The following SPIDR variants were observed in gnomAD, a reference collection of about 807,000 sequenced individuals.
SPIDR encodes scaffold protein involved in DNA repair.
SPIDR carries 93 observed loss-of-function variants against 104.6 expected under a neutral mutation model. The ratio of observed to expected loss-of-function variants is 0.89; its 90% CI spans 0.75 to 1.06. SPIDR has a LOEUF of 1.06. Among genes scored for constraint, SPIDR ranks in the 50% least tolerant of loss-of-function variants. SPIDR has a pLI of 0.00. For missense variants in SPIDR, 1,154 were observed against 1,111.2 expected (o/e 1.04, Z -0.55); for synonymous variants, 431 against 416.9 (o/e 1.03, Z -0.41).
intron 7 of SPIDR, among the ~76,000 whole-genome samples, chr8:47,433,564 G>A (rs2067736429): frequency 1.3e-5 from 2 of 152,208 alleles, no homozygotes; most frequent in Non-Finnish European, 2.9e-5. Flanking sequence ...GACTACTAAT[G>A]GGTATGCTGG....
chr8:47,302,238 G>A (rs1389081794), intron 5 of SPIDR, among the ~76,000 whole-genome samples: 13 of 151,644 alleles, frequency 8.6e-5, no homozygotes, highest in South Asian at 2.1e-4. Flanking sequence ...TGATCGAATC[G>A]GCTACTGAGG....
At chr8:47,310,464 A>G (rs782635341) in intron 5 of SPIDR, among the ~76,000 whole-genome samples, 2 of 152,210 alleles carry the variant, frequency 1.3e-5, no homozygotes, top group Non-Finnish European at 2.9e-5. Context: ...CCTGAAAATA[A>G]CAATGACAAC....
intron 16 of SPIDR, among the ~76,000 whole-genome samples, chr8:47,719,230 T>C (rs2083023347): frequency 6.6e-6 from 1 of 152,076 alleles, no homozygotes; most frequent in African/African-American, 2.4e-5. Context: ...AGTACCAGGC[T>C]GGGCGTGGTG....
chr8:47,642,629 T>C (rs775322914), intron 10 of SPIDR, among the ~76,000 whole-genome samples: 9 of 152,054 alleles, frequency 5.9e-5, no homozygotes, highest in Non-Finnish European at 1.3e-4. Context: ...GAAAAGCAAC[T>C]GTGGACTGGC....
intron 8 of SPIDR, among the ~76,000 whole-genome samples, chr8:47,470,463 C>T (rs1554720231): frequency 6.7e-6 from 1 of 148,550 alleles, no homozygotes; most frequent in African/African-American, 2.5e-5. Context: ...TAATTTTTGT[C>T]TTTTTGGTAG....
At chr8:47,291,860 A>G (rs998527960) in intron 4 of SPIDR, among the ~76,000 whole-genome samples, 54 of 152,304 alleles carry the variant, frequency 3.5e-4, no homozygotes, top group Middle Eastern at 3.4e-3. Flanking sequence ...ATGGCGTTTT[A>G]TATTGTGTCA....
At chr8:47,396,757 C>T (rs1588147454) in intron 6 of SPIDR, 131 bp downstream of exon 6, 1 of 981,182 alleles carries the variant, frequency 1.0e-6, no homozygotes, top group East Asian at 2.6e-5. Context: ...ATGGAATGTT[C>T]ATCGAAGTTG....
intron 8 of SPIDR, among the ~76,000 whole-genome samples, chr8:47,484,067 C>T (rs782302271): frequency 3.1e-4 from 47 of 152,000 alleles, no homozygotes; most frequent in African/African-American, 6.8e-4. Context: ...TTTGATTGAA[C>T]GGGTTCTCAG....
intron 8 of SPIDR, among the ~76,000 whole-genome samples, chr8:47,506,214 A>G (rs546875031): frequency 6.6e-6 from 1 of 152,336 alleles, no homozygotes; most frequent in Non-Finnish European, 1.5e-5. Flanking sequence ...GAGGGCAGCT[A>G]CTAGACAGTT....
chr8:47,274,776 A>C (rs1232720928), intron 1 of SPIDR, among the ~76,000 whole-genome samples: 1 of 151,450 alleles, frequency 6.6e-6, no homozygotes, highest in Non-Finnish European at 1.5e-5. Context: ...GGTTTTCACC[A>C]GATTGGCCAG....
chr8:47,725,517 G>A (rs930347163), intron 16 of SPIDR, among the ~76,000 whole-genome samples: 5 of 152,082 alleles, frequency 3.3e-5, no homozygotes, highest in African/African-American at 9.7e-5. Flanking sequence ...TCAGCCTCCC[G>A]AGGAGCTGGG....
chr8:47,418,551 C>T (rs1212807913), intron 7 of SPIDR, among the ~76,000 whole-genome samples: 1 of 152,198 alleles, frequency 6.6e-6, no homozygotes, highest in African/African-American at 2.4e-5. Context: ...GATATACAAT[C>T]ATGTCATCTG....
In SPIDR at chr8:47,631,754, C is replaced by T. The variant is rs77033417; in HGVS notation, c.1544+32558C>T. Among the ~76,000 whole-genome samples, 28 of 152,328 alleles carry T rather than the reference C, an allele frequency of 1.8e-4. 1 individual carries two copies. In the East Asian group the frequency reaches 5.2e-3, roughly 28 times the overall value. On this transcript the variant is annotated intron_variant, in intron 10 of 19. Transcript: ENST00000297423. ...TTTCTGGAAGGCCAGTGAAATACAG[C>T]TCCTTAATTTATAATGAAATTTACT... is the stretch of plus-strand genomic sequence containing the variant.
At chr8:47,370,791 A>G (rs1168277445) in intron 5 of SPIDR, among the ~76,000 whole-genome samples, 1 of 152,014 alleles carries the variant, frequency 6.6e-6, no homozygotes, top group Non-Finnish European at 1.5e-5. Flanking sequence ...GTAGATTTTT[A>G]AAAATCTAGT....
intron 5 of SPIDR, among the ~76,000 whole-genome samples, chr8:47,347,605 G>T (rs555195955): frequency 6.6e-6 from 1 of 152,120 alleles, no homozygotes; most frequent in Non-Finnish European, 1.5e-5. Context: ...TTGTAGATCT[G>T]TAAGGACTTG....
chr8:47,540,366 AACTT>A (rs1168029113), intron 8 of SPIDR, among the ~76,000 whole-genome samples: 1 of 152,236 alleles, frequency 6.6e-6, no homozygotes, highest in Non-Finnish European at 1.5e-5. Context: ...TGGTTATTTT[AACTT>A]ACTTTTGAAT....
chr8:47,504,471 G>A (rs1328454243), intron 8 of SPIDR, among the ~76,000 whole-genome samples: 1 of 152,080 alleles, frequency 6.6e-6, no homozygotes, highest in East Asian at 1.9e-4. Flanking sequence ...CTCGTGCCTT[G>A]GTTTTCAGCT....
At chr8:47,583,968 C>G (rs1422434551) in intron 8 of SPIDR, among the ~76,000 whole-genome samples, 1 of 152,140 alleles carries the variant, frequency 6.6e-6, no homozygotes, top group African/African-American at 2.4e-5. Context: ...ATTCCCAGTC[C>G]CCTGTCACCG....
intron 10 of SPIDR, among the ~76,000 whole-genome samples, chr8:47,618,293 C>T (rs1294224605): frequency 1.3e-5 from 2 of 151,732 alleles, no homozygotes; most frequent in African/African-American, 4.8e-5. Context: ...CTATACAGTC[C>T]GGCTATCATT....
Sources: allele counts gnomAD v4.1 joint callset (sites outside exome capture counted in the v4.1 genomes callset), GRCh38; gene constraint gnomAD v4.1.1; transcripts MANE v1.5; gene names NCBI Gene and HGNC (gene_info 2026-07-23, HGNC 2026-07-21).